The following SYNE2 variants were observed in gnomAD, a reference collection of about 807,000 sequenced individuals.
SYNE2 encodes spectrin repeat containing nuclear envelope protein 2.
A neutral mutation model predicts 856.3 loss-of-function variants in SYNE2; 431 were observed. The observed-to-expected ratio is 0.50, with a 90% CI of 0.47 to 0.55. SYNE2 has a LOEUF of 0.55. SYNE2 is among the 20% of genes least tolerant of loss of function. The pLI is 0.00. For missense variants in SYNE2, 8,129 were observed against 8,023.2 expected, an observed-to-expected ratio of 1.01 and a Z score of -0.50; for synonymous variants, 2,923 against 2,872.3, an observed-to-expected ratio of 1.02 and a Z score of -0.56.
chr14:64,190,841 G>A, intron 99 of SYNE2: 1 of 690,178 alleles, frequency 1.4e-6, no homozygotes, highest in Non-Finnish European at 2.7e-6. Flanking sequence ...AAATAGCGCT[G>A]ATAATTTTAT....
At chr14:64,087,432 T>C (rs763715853) in intron 57 of SYNE2, 1 of 666,704 alleles carries the variant, frequency 1.5e-6, no homozygotes, top group Non-Finnish European at 2.9e-6. Flanking sequence ...TCCAAGTGTT[T>C]TAGAAGTGGA....
intron 55 of SYNE2, among the ~76,000 whole-genome samples, chr14:64,079,899 T>C (rs1311613348): frequency 2.6e-5 from 4 of 152,100 alleles, no homozygotes; most frequent in African/African-American, 9.7e-5. Context: ...GGTGTTTCCC[T>C]GTGTTGTCCA....
At chr14:63,793,384 T>G (rs929205867) in intron 1 of SYNE2, among the ~76,000 whole-genome samples, 1 of 152,214 alleles carries the variant, frequency 6.6e-6, no homozygotes, top group Non-Finnish European at 1.5e-5. Context: ...ATCTGAACTT[T>G]CCAGTGATGC....
At chr14:63,796,700 A>G (rs966815245) in intron 1 of SYNE2, among the ~76,000 whole-genome samples, 18 of 152,048 alleles carry the variant, frequency 1.2e-4, no homozygotes, top group African/African-American at 4.3e-4. Flanking sequence ...TATATATACA[A>G]AAAAGATAAT....
At chr14:63,873,276 AT>A (rs1342523219) in intron 1 of SYNE2, 2 of 149,678 alleles carry the variant, frequency 1.3e-5, no homozygotes, top group African/African-American at 2.4e-5. Context: ...ATATTTCTTT[AT>A]TTAGAATGGA....
At chr14:63,863,704 T>C (rs1894369934) in intron 1 of SYNE2, among the ~76,000 whole-genome samples, 1 of 152,150 alleles carries the variant, frequency 6.6e-6, no homozygotes, top group South Asian at 2.1e-4. Context: ...ATATTAGAGC[T>C]TTTAGTTCAA....
chr14:64,224,671 C>T, intron 114 of SYNE2, 124 bp downstream of exon 114: 1 of 1,057,892 alleles, frequency 9.5e-7, no homozygotes, highest in South Asian at 1.3e-5. Flanking sequence ...TCTGCTGACC[C>T]ATAGAGAGGC....
chr14:64,064,005 C>G (rs754331129), intron 50 of SYNE2, among the ~76,000 whole-genome samples: 9 of 152,068 alleles, frequency 5.9e-5, no homozygotes, highest in Non-Finnish European at 1.0e-4. Context: ...TAACAATATG[C>G]TGTAATAAAA....
At position 64,070,675 on chromosome 14, in the gene SYNE2, C is replaced by T. The variant is rs1406273588; in HGVS notation, c.10462C>T (p.Leu3488Phe). The T allele has an allele frequency of 6.2e-7, 1 of 1,613,322 alleles. No homozygotes were observed. Among genetic ancestry groups the T allele is most frequent in the African/African-American group, 1.3e-5 (1 of 74,868 alleles). The part of the protein sequence containing the change: ...IEREAIILDN[L>F]QEELPEISKT... ...ACGAGAGGCAATTATTTTAGATAAT[C>T]TTCAGGAAGAACTCCCTGAAATTTC... is the stretch of plus-strand genomic sequence containing the variant. The change falls in exon 52 of 116, where the codon CTT becomes TTT. Residue 3488 changes from leucine (L) to phenylalanine (F), a missense_variant. Transcript: ENST00000555002.
chr14:64,000,331 C>T lies in SYNE2; in HGVS notation c.3481-231C>T, dbSNP rs117177903. Among the ~76,000 whole-genome samples, 161 of 152,268 alleles carry T rather than the reference C, an allele frequency of 1.1e-3. 3 individuals carry two copies. In the East Asian group the frequency reaches 0.015, roughly 14 times the overall value. On this transcript the variant is annotated intron_variant, in intron 27 of 115. Transcript: ENST00000555002. ...GGAGTTTGGGTACCTTTGAAAGCTG[C>T]CTTGTCGACTCCCTTGACTTTACTG...
Position 64,052,106 on chromosome 14 carries a change from C to T in SYNE2, c.8193C>T (p.Asp2731=). The part of the protein sequence containing the change: ...LEAENQIKKC[D]IRNKMKETIL... ...CAGAAAATCAGATTAAGAAGTGTGA[C>T]ATAAGGAACAAGATGAAAGAGACTA... is the stretch of plus-strand genomic sequence containing the variant. The change falls in exon 48 of 116, where the codon GAC becomes GAT. Residue 2731 remains aspartate (D), a synonymous_variant. Coordinates refer to ENST00000555002, the MANE Select transcript of SYNE2 (RefSeq NM_182914.3). 1 of 1,614,134 alleles carries T rather than the reference C, an allele frequency of 6.2e-7. No individual in the cohort carries two copies. The highest frequency in any genetic ancestry group is 8.5e-7 in the Non-Finnish European group (1 of 1,180,012).
intron 21 of SYNE2, among the ~76,000 whole-genome samples, chr14:63,992,486 G>A (rs1212184100): frequency 1.3e-5 from 2 of 152,056 alleles, no homozygotes; most frequent in Non-Finnish European, 2.9e-5. Flanking sequence ...CACTCTGTTG[G>A]TCAAGGCTGG....
Position 64,126,488 on chromosome 14 carries a change from C to G in SYNE2, c.13707+9C>G, listed in dbSNP as rs1323592218. ...AGCAGGTGCACTACGAGGTAGGGCACTTCTCACGAGCCCATGTGTTGGCCA... is the reference window on the plus strand; with the variant it reads ...AGCAGGTGCACTACGAGGTAGGGCAGTTCTCACGAGCCCATGTGTTGGCCA... On this transcript the variant is annotated intron_variant, in intron 72 of 115. Transcript: ENST00000555002. 2.5e-6 allele frequency: 4 copies of G among 1,614,002 alleles called. No homozygotes were observed. The highest frequency in any genetic ancestry group is 3.4e-6 in the Non-Finnish European group (4 of 1,180,002).
chr14:63,962,741 C>T (rs1240021673), intron 9 of SYNE2, among the ~76,000 whole-genome samples: 1 of 152,106 alleles, frequency 6.6e-6, no homozygotes, highest in Non-Finnish European at 1.5e-5. Flanking sequence ...AGGGTTTCAC[C>T]ATGTTGGCCA....
chr14:63,787,106 T>A (rs1887559179), intron 1 of SYNE2, among the ~76,000 whole-genome samples: 2 of 152,304 alleles, frequency 1.3e-5, no homozygotes, highest in South Asian at 4.1e-4. Flanking sequence ...CGGGTATACA[T>A]ACATGCATAC....
At chr14:63,813,749 C>T (rs1488367434) in intron 1 of SYNE2, among the ~76,000 whole-genome samples, 1 of 151,914 alleles carries the variant, frequency 6.6e-6, no homozygotes, top group Non-Finnish European at 1.5e-5. Flanking sequence ...TGGTGAAACT[C>T]CGTCTCTACT....
At chr14:64,169,092 G>C (rs112333411) in intron 93 of SYNE2, 121 bp downstream of exon 93, 7 of 758,402 alleles carry the variant, frequency 9.2e-6, no homozygotes, top group African/African-American at 5.2e-5. Context: ...TTGGTTGACA[G>C]ATCACCATAG....
intron 9 of SYNE2, among the ~76,000 whole-genome samples, chr14:63,961,890 T>G (rs2096320501): frequency 6.6e-6 from 1 of 151,954 alleles, no homozygotes; most frequent in African/African-American, 2.4e-5. Context: ...AATGTTCTTT[T>G]TTTTTTTTAG....
At chr14:64,152,812 C>G (rs1273954773) in intron 85 of SYNE2, 96 bp downstream of exon 85, 1 of 1,479,034 alleles carries the variant, frequency 6.8e-7, no homozygotes, top group East Asian at 2.3e-5. Context: ...CATGGAGACT[C>G]TCTATACCAA....
Sources: allele counts gnomAD v4.1 joint callset (sites outside exome capture counted in the v4.1 genomes callset), GRCh38; gene constraint gnomAD v4.1.1; transcripts MANE v1.5; gene names NCBI Gene and HGNC (gene_info 2026-07-23, HGNC 2026-07-21).